ZSWIM8: variants seen among roughly 807,000 people sequenced by gnomAD.
The protein encoded by ZSWIM8 is zinc finger SWIM domain-containing protein 8.
ZSWIM8 carries 27 observed loss-of-function variants against 173.7 expected under a neutral mutation model. The observed-to-expected ratio is 0.16, with a 90% confidence interval of 0.11 to 0.21. The LOEUF (loss-of-function observed/expected upper bound fraction) is 0.21. Among genes scored for constraint, ZSWIM8 ranks in the 10% least tolerant of loss-of-function variants. The pLI is 1.00. For missense variants in ZSWIM8, 1,627 were observed against 2,428.8 expected (o/e 0.67, Z 6.94); for synonymous variants, 958 against 962.0 (o/e 1.00, Z 0.08).
rs751929099 is a variant in ZSWIM8, at chr10:73,792,068, G to T, written c.1529G>T (p.Arg510Leu). ...TDRKLALCWA[R>L]ALPSRPGASR... is the part of the protein sequence containing the mutation. ...AGGAAGCTGGCACTGTGCTGGGCCC[G>T]GGCCCTGCCCTCTCGGCCAGGTGCC... The change falls in exon 10 of 26, where the codon CGG (arginine) becomes CTG (leucine). Residue 510 changes from arginine (R) to leucine (L), a missense_variant. Physicochemically the swap from Arg to Leu is moderately radical, Grantham distance 102. Around this residue, in one of 18 missense-constraint regions of ZSWIM8, gnomAD observed 383 missense variants for 394.8 expected, o/e 0.97. Coordinates refer to ENST00000604729, the MANE Select transcript of ZSWIM8 (RefSeq NM_001367799.1). The surrounding 1 kb of genome is among the most constrained non-coding windows in gnomAD (Gnocchi z 4.3). The T allele has an allele frequency of 1.3e-6, 2 of 1,539,278 alleles. No homozygotes were observed. The highest frequency in any genetic ancestry group is 2.0e-5 in the Admixed American group (1 of 50,350).
In ZSWIM8 at chr10:73,792,785, G is replaced by T; in HGVS notation, c.2246G>T (p.Gly749Val). 1 of 1,608,364 alleles carries T rather than the reference G, an allele frequency of 6.2e-7. No individual in the cohort carries two copies. Among genetic ancestry groups the T allele is most frequent in the Non-Finnish European group, 8.5e-7 (1 of 1,179,392 alleles). The change falls in exon 10 of 26, where the codon GGC (glycine) becomes GTC (valine). Residue 749 changes from glycine (G) to valine (V), a missense_variant. Around this residue, in one of 18 missense-constraint regions of ZSWIM8, gnomAD observed 383 missense variants for 394.8 expected, o/e 0.97. Coordinates refer to ENST00000604729, the MANE Select transcript of ZSWIM8 (RefSeq NM_001367799.1). The surrounding 1 kb of genome is among the most constrained non-coding windows in gnomAD (Gnocchi z 4.3). The part of the protein sequence containing the change: ...GAGGEEEKAE[G>V]GAGEEHDLFA... ...GGGGGCGAGGAAGAGAAGGCCGAGG[G>T]CGGGGCTGGGGAGGAGCACGACCTG...
Position 73,800,584 on chromosome 10 carries a change from G to A in ZSWIM8, c.5003-56G>A. 1.2e-6 allele frequency: 2 copies of A among 1,605,936 alleles called. No individual in the cohort carries two copies. Among genetic ancestry groups the A allele is most frequent in the Non-Finnish European group, 1.7e-6 (2 of 1,174,972 alleles). ...ACTGTGGGGTCAGGTGACAGGTTGGGGTAAAGGGTGAAGAGGATACACCGT... is the reference window on the plus strand; with the variant it reads ...ACTGTGGGGTCAGGTGACAGGTTGGAGTAAAGGGTGAAGAGGATACACCGT... On this transcript the variant is annotated intron_variant, in intron 23 of 25. Coordinates refer to ENST00000604729, the MANE Select transcript of ZSWIM8 (RefSeq NM_001367799.1). The surrounding 1 kb of genome is among the most constrained non-coding windows in gnomAD (Gnocchi z 4.1).
In ZSWIM8 at chr10:73,797,200, C is replaced by G; in HGVS notation, c.3362C>G (p.Ala1121Gly). ...RPEGKVPSRL[A>G]LGSRGGYNGR... is the part of the protein sequence containing the mutation. ...GAAGGGAAGGTTCCTAGCCGCTTGG[C>G]ACTTGGCAGTCGTGGAGGCTATAAT... Residue 1121 changes from alanine to glycine, a missense_variant, in exon 17 of 26, where the codon GCA (alanine) becomes GGA (glycine). By Grantham distance (60) the Ala-to-Gly change is moderately conservative. Coordinates refer to ENST00000604729, the MANE Select transcript of ZSWIM8 (RefSeq NM_001367799.1). The surrounding 1 kb of genome is among the most constrained non-coding windows in gnomAD (Gnocchi z 5.6). 6.2e-7 allele frequency: 1 copy of G among 1,613,994 alleles called. No individual in the cohort carries two copies. The highest frequency in any genetic ancestry group is 1.3e-5 in the African/African-American group (1 of 75,058).
At position 73,789,337 on chromosome 10, in the gene ZSWIM8, CT is replaced by C; in HGVS notation, c.458-29del. ...GGCAGAGACCCAGGTCCTGACAGCA[CT>C]CCCTGACCATGCCCCCATTTCTCCC... On this transcript the variant is annotated intron_variant, in intron 3 of 25. Coordinates refer to ENST00000604729, the MANE Select transcript of ZSWIM8 (RefSeq NM_001367799.1). The surrounding 1 kb of genome is among the most constrained non-coding windows in gnomAD (Gnocchi z 6.8). The C allele has an allele frequency of 6.4e-7, 1 of 1,555,874 alleles. No individual in the cohort carries two copies. The highest frequency in any genetic ancestry group is 1.7e-4 in the Middle Eastern group (1 of 5,850).
chr10:73,787,240 G>C (rs1019848905), intron 1 of ZSWIM8, among the ~76,000 whole-genome samples: 5 of 152,018 alleles, frequency 3.3e-5, no homozygotes, highest in Non-Finnish European at 5.9e-5. Context: ...CACCGCTCCC[G>C]GCATATATAT....
In ZSWIM8 at chr10:73,791,203, G is replaced by A. The variant is rs753738471; in HGVS notation, c.1143+27G>A. Reference sequence around the variant, plus strand: ...TAATCACTCAGCGTTGGGGAGCCCCGTGGTAGCTCATTCTTTCCCTCCCCC... The same window carrying A: ...TAATCACTCAGCGTTGGGGAGCCCCATGGTAGCTCATTCTTTCCCTCCCCC... On this transcript the variant is annotated intron_variant, in intron 8 of 25. Coordinates refer to ENST00000604729, the MANE Select transcript of ZSWIM8 (RefSeq NM_001367799.1). This position sits in a 1 kb window ranked among gnomAD's most constrained non-coding sequence, Gnocchi z 6.0. The A allele has an allele frequency of 1.1e-5, 18 of 1,574,966 alleles. No individual in the cohort carries two copies. Among genetic ancestry groups the A allele is most frequent in the Middle Eastern group, 1.7e-4 (1 of 5,906 alleles).
chr10:73,795,713 T>G, intron 15 of ZSWIM8, 50 bp downstream of exon 15: 1 of 1,580,378 alleles, frequency 6.3e-7, no homozygotes, highest in Non-Finnish European at 8.6e-7. Context: ...ATCCCAGCAG[T>G]TTGGGAGGCA....
Position 73,789,859 on chromosome 10 carries a change from T to C in ZSWIM8, c.738+35T>C, listed in dbSNP as rs1416476546. The C allele has an allele frequency of 6.3e-7, 1 of 1,585,566 alleles. No individual in the cohort carries two copies. Among genetic ancestry groups the C allele is most frequent in the Admixed American group, 1.8e-5 (1 of 55,596 alleles). Reference sequence around the variant, plus strand: ...GTCGGCACCCCCTCCTGCAATTAGCTCCGGGCCAGGCCGCATAACAGCCTT... The same window carrying C: ...GTCGGCACCCCCTCCTGCAATTAGCCCCGGGCCAGGCCGCATAACAGCCTT... On this transcript the variant is annotated intron_variant, in intron 5 of 25. Coordinates refer to ENST00000604729, the MANE Select transcript of ZSWIM8 (RefSeq NM_001367799.1). This position sits in a 1 kb window ranked among gnomAD's most constrained non-coding sequence, Gnocchi z 6.8.
chr10:73,792,337 G>C lies in ZSWIM8; in HGVS notation c.1798G>C (p.Gly600Arg). ...GAGSGSKGSA[G>R]GGSKRRLSSE... ...TGGCAGTGGGAGCAAGGGCTCAGCA[G>C]GTGGCGGAAGCAAGCGACGGCTGAG... is the stretch of plus-strand genomic sequence containing the variant. Residue 600 changes from glycine (G) to arginine (R), a missense_variant, in exon 10 of 26, where the codon GGT becomes CGT. This residue lies in a region of ZSWIM8 where 383 missense variants were observed against 394.8 expected (regional missense o/e 0.97). Coordinates refer to ENST00000604729, the MANE Select transcript of ZSWIM8 (RefSeq NM_001367799.1). This position sits in a 1 kb window ranked among gnomAD's most constrained non-coding sequence, Gnocchi z 4.3. 1.2e-6 allele frequency: 2 copies of C among 1,613,000 alleles called. No homozygotes were observed. The highest frequency in any genetic ancestry group is 1.7e-6 in the Non-Finnish European group (2 of 1,179,524).
At position 73,789,166 on chromosome 10, in the gene ZSWIM8, G is replaced by T; in HGVS notation, c.433G>T (p.Ala145Ser). The change falls in exon 3 of 26, where the codon GCT becomes TCT. Residue 145 changes from alanine to serine, a missense_variant. Ala to Ser is a moderately conservative substitution (Grantham distance 99). Transcript: ENST00000604729. The surrounding 1 kb of genome is among the most constrained non-coding windows in gnomAD (Gnocchi z 6.8). ...AGGGGATCAGCTCTTCCGCATGCGG[G>T]CTGTGAAGGACCCATTGCAGATAGG... The part of the protein sequence containing the change: ...QRGDQLFRMR[A>S]VKDPLQIGFH... 6.2e-7 allele frequency: 1 copy of T among 1,614,028 alleles called. No individual in the cohort carries two copies. The highest frequency in any genetic ancestry group is 8.5e-7 in the Non-Finnish European group (1 of 1,179,884).
intron 12 of ZSWIM8, 44 bp downstream of exon 12, chr10:73,794,088 C>T (rs1309599325): frequency 3.1e-6 from 5 of 1,611,230 alleles, no homozygotes; most frequent in East Asian, 2.2e-5. Context: ...CTCTTTAGAG[C>T]CTTGCACCTT....
Position 73,801,289 on chromosome 10 carries a change from G to A in ZSWIM8, c.5302-27G>A. ...GCCTGTTTCTGTGCTTTGTACTAAG[G>A]CTCATCCTGCACACATCCTCCTCCA... On this transcript the variant is annotated intron_variant, in intron 25 of 25. Transcript: ENST00000604729. The surrounding 1 kb of genome is among the most constrained non-coding windows in gnomAD (Gnocchi z 4.9). The A allele has an allele frequency of 6.2e-7, 1 of 1,612,158 alleles. No homozygotes were observed. Among genetic ancestry groups the A allele is most frequent in the Middle Eastern group, 1.7e-4 (1 of 6,056 alleles).
rs2083471848 is a variant in ZSWIM8 at position 73,792,926 on chromosome 10, G to A, written c.2313+74G>A. On this transcript the variant is annotated intron_variant, in intron 10 of 25. Coordinates refer to ENST00000604729, the MANE Select transcript of ZSWIM8 (RefSeq NM_001367799.1). This position sits in a 1 kb window ranked among gnomAD's most constrained non-coding sequence, Gnocchi z 4.3. ...GGAGGGGCTATCTAGCTCTAGTTGG[G>A]AGTGTCAGGACCATCAGCAGGATTG... 16 of 1,480,432 alleles carry A rather than the reference G, an allele frequency of 1.1e-5. No homozygotes were observed. In the South Asian group the frequency reaches 1.2e-4, roughly 11 times the overall value. 91.7% of individuals were successfully genotyped at this position (1,480,432 alleles called of 1,614,324 possible).
chr10:73,788,117 G>T (rs549721220), intron 1 of ZSWIM8, among the ~76,000 whole-genome samples: 1 of 152,070 alleles, frequency 6.6e-6, no homozygotes, highest in African/African-American at 2.4e-5. Flanking sequence ...AGTGTGGGAA[G>T]TTGTCATTTA....
intron 14 of ZSWIM8, 59 bp downstream of exon 14, chr10:73,794,698 C>A: frequency 6.9e-7 from 1 of 1,438,866 alleles, no homozygotes; most frequent in Non-Finnish European, 9.5e-7. Context: ...GACATGAGAC[C>A]TGTGCCTTGT....
intron 6 of ZSWIM8, 50 bp downstream of exon 6, chr10:73,790,087 A>G (rs1203770017): frequency 6.2e-7 from 1 of 1,609,732 alleles, no homozygotes; most frequent in African/African-American, 1.3e-5. Context: ...AGCTTGTAGT[A>G]CAGAGCGCCA....
chr10:73,794,059 C>T lies in ZSWIM8; in HGVS notation c.2625+15C>T. The T allele has an allele frequency of 6.2e-7, 1 of 1,611,836 alleles. No individual in the cohort carries two copies. Among genetic ancestry groups the T allele is most frequent in the Non-Finnish European group, 8.5e-7 (1 of 1,178,882 alleles). On this transcript the variant is annotated intron_variant, in intron 12 of 25. Coordinates refer to ENST00000604729, the MANE Select transcript of ZSWIM8 (RefSeq NM_001367799.1). ...AGGCCTTGGAGGTCAGAGGCTCCAT[C>T]TCAGCCTTGTATTTCAGTCTCTTTA... is the stretch of plus-strand genomic sequence containing the variant.
rs765070962 is a variant in ZSWIM8 at position 73,799,253 on chromosome 10, A to G, written c.4428A>G (p.Ala1476=). ...GGPGTEPVTV[A]AAAVTAAATV... is the part of the protein sequence containing the mutation. ...CAGGGACTGAGCCGGTTACAGTGGCAGCGGCAGCAGTGACAGCAGCAGCCA... is the reference window on the plus strand; with the variant it reads ...CAGGGACTGAGCCGGTTACAGTGGCGGCGGCAGCAGTGACAGCAGCAGCCA... Residue 1476 remains alanine (A), a synonymous_variant, in exon 21 of 26, where the codon GCA becomes GCG. Transcript: ENST00000604729. 5 of 1,599,728 alleles carry G rather than the reference A, an allele frequency of 3.1e-6. No homozygotes were observed. The highest frequency in any genetic ancestry group is 3.4e-6 in the Non-Finnish European group (4 of 1,173,690).
intron 20 of ZSWIM8, 92 bp downstream of exon 20, chr10:73,798,545 G>A (rs373856868): frequency 1.3e-5 from 15 of 1,150,408 alleles, no homozygotes; most frequent in South Asian, 6.1e-5. Context: ...CTTGATTCCC[G>A]TATCCTGGAG....
Sources: allele counts gnomAD v4.1 joint callset (sites outside exome capture counted in the v4.1 genomes callset), GRCh38; gene constraint gnomAD v4.1.1; regional missense constraint gnomAD v4.1.1; non-coding constraint Gnocchi (gnomAD v3.1); transcripts MANE v1.5; gene names NCBI Gene and HGNC (gene_info 2026-07-23, HGNC 2026-07-21).